The following PDE10A variants were observed in gnomAD, a reference collection of about 807,000 sequenced individuals.
The protein encoded by PDE10A is phosphodiesterase 10A.
PDE10A carries 39 observed loss-of-function variants against 97.7 expected under a neutral mutation model. That is an observed-to-expected ratio of 0.40 (90% CI 0.31 to 0.52). The LOEUF (loss-of-function observed/expected upper bound fraction) is 0.52, where lower values mean the gene tolerates loss of function less well. PDE10A is among the 20% of genes least tolerant of loss of function. The pLI is 0.56. For synonymous variants in PDE10A, 371 were observed against 376.8 expected (o/e 0.98, Z 0.18); for missense variants, 731 against 1,047.8 (o/e 0.70, Z 4.17).
intron 2 of PDE10A, among the ~76,000 whole-genome samples, chr6:165,542,893 C>T (rs142895392): frequency 6.6e-6 from 1 of 152,102 alleles, no homozygotes; most frequent in Non-Finnish European, 1.5e-5. Context: ...GCTGGGATTA[C>T]AGGCGTGAGC....
In PDE10A at chr6:165,568,155, C is replaced by T. The variant is rs562546745; in HGVS notation, c.866-24587G>A. Reference sequence around the variant, plus strand: ...CTGGGACTACAAGCGCCCGCCACCACGCCTGGCTAATTTTTTTGTATTTTT... The same window carrying T: ...CTGGGACTACAAGCGCCCGCCACCATGCCTGGCTAATTTTTTTGTATTTTT... On this transcript the variant is annotated intron_variant, in intron 1 of 21. Transcript: ENST00000539869. Among the ~76,000 whole-genome samples the T allele has an allele frequency of 2.3e-3, 348 of 152,040 alleles. 1 individual carries two copies. Among genetic ancestry groups the T allele is most frequent in the Non-Finnish European group, 3.0e-3 (207 of 67,962 alleles).
intron 2 of PDE10A, among the ~76,000 whole-genome samples, chr6:165,517,376 A>C (rs1282216574): frequency 6.6e-6 from 1 of 152,214 alleles, no homozygotes; most frequent in Non-Finnish European, 1.5e-5. Flanking sequence ...AACATAAGAC[A>C]AGATAGTTCA....
intron 13 of PDE10A, among the ~76,000 whole-genome samples, chr6:165,411,437 C>T (rs1397050791): frequency 6.6e-6 from 1 of 152,112 alleles, no homozygotes; most frequent in African/African-American, 2.4e-5. Context: ...TACACAGAGA[C>T]AGCAGAAACC....
intron 1 of PDE10A, among the ~76,000 whole-genome samples, chr6:165,911,980 T>A (rs528951718): frequency 2.0e-5 from 3 of 152,004 alleles, no homozygotes; most frequent in Non-Finnish European, 4.4e-5. Flanking sequence ...GAGAGGGAAG[T>A]CTAAATATAT....
Position 165,333,072 on chromosome 6 carries a change from T to A in PDE10A, c.3121A>T (p.Ile1041Phe), listed in dbSNP as rs747542495. Residue 1041 changes from isoleucine to phenylalanine, a missense_variant, in exon 22 of 22, where the codon ATT becomes TTT. Physicochemically the swap from Ile to Phe is conservative, Grantham distance 21 (BLOSUM62 0). Around this residue, in one of 8 missense-constraint regions of PDE10A, gnomAD observed 34 missense variants for 29.7 expected, o/e 1.14. Transcript: ENST00000539869. ...VIRGEETATW[I>F]SSPSVAQKAA... ...TTCTGAGCCACGGATGGGGATGAAA[T>A]CCAGGTTGCAGTCTCCTCCCCTCGA... 8.1e-6 allele frequency: 13 copies of A among 1,612,996 alleles called. No homozygotes were observed. The highest frequency in any genetic ancestry group is 1.1e-5 in the Non-Finnish European group (13 of 1,179,482).
intron 1 of PDE10A, among the ~76,000 whole-genome samples, chr6:165,920,628 T>A (rs1210770192): frequency 6.6e-6 from 1 of 152,130 alleles, no homozygotes; most frequent in Non-Finnish European, 1.5e-5. Context: ...CAATGAGCCA[T>A]ACTTAACTCT....
chr6:165,750,916 T>C (rs980902377), intron 1 of PDE10A, among the ~76,000 whole-genome samples: 3 of 152,116 alleles, frequency 2.0e-5, no homozygotes, highest in Non-Finnish European at 2.9e-5. Flanking sequence ...GTGTCCTAAG[T>C]TGTTGTTGGC....
At chr6:165,396,220 T>C (rs1008463567) in intron 14 of PDE10A, 97 bp downstream of exon 14, 3 of 1,110,892 alleles carry the variant, frequency 2.7e-6, no homozygotes, top group African/African-American at 1.6e-5. Flanking sequence ...GTAATATGTG[T>C]ATAATAATTG....
chr6:165,477,093 A>T (rs944186474), intron 3 of PDE10A, among the ~76,000 whole-genome samples: 1 of 152,100 alleles, frequency 6.6e-6, no homozygotes, highest in African/African-American at 2.4e-5. Flanking sequence ...TATCCCTCAA[A>T]TCCCCCCCAG....
intron 1 of PDE10A, among the ~76,000 whole-genome samples, chr6:165,596,496 A>C (rs2128390350): frequency 6.6e-6 from 1 of 152,342 alleles, no homozygotes; most frequent in South Asian, 2.1e-4. Context: ...CTGGTGGCTG[A>C]GGTGAGAGGA....
chr6:165,483,885 C>G (rs1779745265), intron 2 of PDE10A, among the ~76,000 whole-genome samples: 1 of 152,186 alleles, frequency 6.6e-6, no homozygotes, highest in Non-Finnish European at 1.5e-5. Context: ...GTTAGTACTT[C>G]TCAAACTTGA....
At chr6:165,561,692 C>A (rs1398385585) in intron 1 of PDE10A, among the ~76,000 whole-genome samples, 1 of 152,128 alleles carries the variant, frequency 6.6e-6, no homozygotes, top group Non-Finnish European at 1.5e-5. Context: ...GGAAGATTAT[C>A]TAACTGGGCC....
At chr6:165,399,652 A>T (rs947328673) in intron 13 of PDE10A, among the ~76,000 whole-genome samples, 5 of 145,436 alleles carry the variant, frequency 3.4e-5, no homozygotes, top group Non-Finnish European at 7.4e-5. Flanking sequence ...TTCAATTCCC[A>T]CCTATGAGTG....
chr6:165,834,569 C>A (rs1178384535), intron 1 of PDE10A, among the ~76,000 whole-genome samples: 1 of 152,142 alleles, frequency 6.6e-6, no homozygotes, highest in Non-Finnish European at 1.5e-5. Flanking sequence ...GATCTGGAAT[C>A]CCAGCTCAAC....
intron 10 of PDE10A, among the ~76,000 whole-genome samples, chr6:165,424,241 CCTT>C (rs1788948859): frequency 6.6e-6 from 1 of 152,166 alleles, no homozygotes; most frequent in Admixed American, 6.5e-5. Flanking sequence ...CTGTTATGCT[CCTT>C]AATAGGCCTG....
rs145500376 is a variant in PDE10A at position 165,347,666 on chromosome 6, T to C, written c.2784-4164A>G. On this transcript the variant is annotated intron_variant, in intron 18 of 21. Coordinates refer to ENST00000539869, the MANE Select transcript of PDE10A (RefSeq NM_001385079.1). The stretch of plus-strand genomic sequence containing the variant: ...GTACCATACATAACTTTAATCCAAA[T>C]GGGAACATTAGTGATCTTGCTTTAG... Among the ~76,000 whole-genome samples, 271 of 152,308 alleles carry C rather than the reference T, an allele frequency of 1.8e-3. 1 individual carries two copies. Among genetic ancestry groups the C allele is most frequent in the Non-Finnish European group, 2.9e-3 (200 of 68,020 alleles).
chr6:165,562,075 C>T (rs1447188116), intron 1 of PDE10A, among the ~76,000 whole-genome samples: 2 of 152,010 alleles, frequency 1.3e-5, no homozygotes, highest in East Asian at 3.9e-4. Flanking sequence ...GTTCAAGACC[C>T]ATCTGTGCAA....
intron 3 of PDE10A, among the ~76,000 whole-genome samples, chr6:165,472,889 T>G (rs1186443071): frequency 4.6e-5 from 7 of 152,178 alleles, no homozygotes; most frequent in Non-Finnish European, 7.4e-5. Context: ...AATGAAACCT[T>G]CAACTGTAAC....
intron 3 of PDE10A, among the ~76,000 whole-genome samples, chr6:165,467,398 T>C (rs958317585): frequency 2.6e-5 from 4 of 152,168 alleles, no homozygotes; most frequent in African/African-American, 9.7e-5. Flanking sequence ...ATGTCTGGCT[T>C]CAAAGTTTCA....
Sources: allele counts gnomAD v4.1 joint callset (sites outside exome capture counted in the v4.1 genomes callset), GRCh38; gene constraint gnomAD v4.1.1; regional missense constraint gnomAD v4.1.1; transcripts MANE v1.5; gene names NCBI Gene and HGNC (gene_info 2026-07-23, HGNC 2026-07-21).